The following SLC27A6 variants were observed in gnomAD, a reference collection of about 807,000 sequenced individuals.
SLC27A6 encodes the protein solute carrier family 27 member 6.
In SLC27A6, 74 loss-of-function variants were observed where a neutral mutation model predicts 63.9. That is an observed-to-expected ratio of 1.16 (90% CI 0.96 to 1.40). SLC27A6 has a LOEUF of 1.40. Ranked by LOEUF, SLC27A6 falls within the 40% of genes most tolerant of loss-of-function variation. The probability of loss-of-function intolerance (pLI) is 0.00; values close to 1 mark genes in which losing one functional copy is unlikely to be tolerated. For synonymous variants in SLC27A6, 287 were observed against 260.8 expected (o/e 1.10, Z -0.97); for missense variants, 794 against 732.9 (o/e 1.08, Z -0.96).
chr5:129,028,458 A>G lies in SLC27A6; in HGVS notation c.1552+16A>G. The G allele has an allele frequency of 3.4e-6, 5 of 1,457,280 alleles. No homozygotes were observed. Among genetic ancestry groups the G allele is most frequent in the Non-Finnish European group, 4.8e-6 (5 of 1,049,022 alleles). 90.3% of individuals were successfully genotyped at this position (1,457,280 alleles called of 1,614,324 possible). A position where few individuals can be genotyped will look rare whatever the true frequency, so the allele number is the denominator to read the frequency against. ...GCTATATCAGGTATAAATATATTTC[A>G]GATTTTGGAAAGATTCTTAGAATAG... is the stretch of plus-strand genomic sequence containing the variant. On this transcript the variant is annotated intron_variant, in intron 8 of 9. Coordinates refer to ENST00000262462, the MANE Select transcript of SLC27A6 (RefSeq NM_001017372.3).
chr5:129,016,030 A>G lies in SLC27A6; in HGVS notation c.1115A>G (p.Asn372Ser). 6.2e-7 allele frequency: 1 copy of G among 1,604,146 alleles called. No homozygotes were observed. Among genetic ancestry groups the G allele is most frequent in the Non-Finnish European group, 8.5e-7 (1 of 1,177,492 alleles). The change falls in exon 5 of 10, where the codon AAC becomes AGC. Residue 372 changes from asparagine (N) to serine (S), a missense_variant. Coordinates refer to ENST00000262462, the MANE Select transcript of SLC27A6 (RefSeq NM_001017372.3). ...AATESSISFMNYTGRIGAIGR... is the reference protein window; with the variant it reads ...AATESSISFMSYTGRIGAIGR... Reference sequence around the variant, plus strand: ...ACCGAATCAAGCATATCTTTCATGAACTACACTGGGAGAATTGGAGCAATT... The same window carrying G: ...ACCGAATCAAGCATATCTTTCATGAGCTACACTGGGAGAATTGGAGCAATT...
In SLC27A6 at chr5:129,033,341, G is replaced by T; in HGVS notation, c.*59G>T. The T allele has an allele frequency of 2.0e-6, 2 of 987,268 alleles. No homozygotes were observed. Among genetic ancestry groups the T allele is most frequent in the Non-Finnish European group, 1.5e-6 (1 of 683,844 alleles). 61.2% of individuals were successfully genotyped at this position (987,268 alleles called of 1,614,324 possible). A position where few individuals can be genotyped will look rare whatever the true frequency, so the allele number is the denominator to read the frequency against. ...TAGGAAGAGTGAGAGGGGGGTATAT[G>T]ATTCTTTATGAAATGGGGAAAGGGA... On this transcript the variant is annotated 3_prime_UTR_variant, in exon 10 of 10. Coordinates refer to ENST00000262462, the MANE Select transcript of SLC27A6 (RefSeq NM_001017372.3).
rs182809731 is a variant in SLC27A6, at chr5:128,997,381, A to T, written c.969+6917A>T. Among the ~76,000 whole-genome samples the T allele has an allele frequency of 3.2e-4, 49 of 152,304 alleles. 2 individuals carry two copies. The East Asian group carries it at 8.3e-3, about 26-fold the overall frequency. On this transcript the variant is annotated intron_variant, in intron 4 of 9. Coordinates refer to ENST00000262462, the MANE Select transcript of SLC27A6 (RefSeq NM_001017372.3). ...CCAGTTTTCCTTAAATAAGTCAAAG[A>T]TATGTTTACATTGTTATAATAGATA...
chr5:128,995,963 C>T (rs1751145903), intron 4 of SLC27A6, among the ~76,000 whole-genome samples: 2 of 152,200 alleles, frequency 1.3e-5, no homozygotes, highest in Admixed American at 1.3e-4. Context: ...TTGGTTCAAA[C>T]ATGTAGGCAA....
chr5:128,989,411 G>C (rs1405903265), intron 3 of SLC27A6, among the ~76,000 whole-genome samples: 2 of 152,058 alleles, frequency 1.3e-5, no homozygotes, highest in Non-Finnish European at 2.9e-5. Flanking sequence ...ACAAACAGTG[G>C]AGATCATTTG....
At chr5:129,023,595 ATTTG>A (rs1561632358) in intron 5 of SLC27A6, 21 bp from the exon 6 acceptor site, 4 of 1,516,378 alleles carry the variant, frequency 2.6e-6, no homozygotes, top group Non-Finnish European at 3.6e-6. Flanking sequence ...GCTTGTTTCT[ATTTG>A]TTTGATTTTT....
In SLC27A6 at chr5:128,966,446, A is replaced by G. The variant is rs1580692024; in HGVS notation, c.309A>G (p.Lys103=). 2 of 1,606,848 alleles carry G rather than the reference A, an allele frequency of 1.2e-6. No individual in the cohort carries two copies. Among genetic ancestry groups the G allele is most frequent in the Non-Finnish European group, 1.7e-6 (2 of 1,176,848 alleles). ...TCTTCCTGAACCATTCCTCTCTGAA[A>G]AAGGGGGACACGGTGGCTCTGCTGA... The part of the protein sequence containing the change: ...AHVFLNHSSL[K]KGDTVALLMS... The change falls in exon 1 of 10, where the codon AAA becomes AAG. Residue 103 remains lysine (K), a synonymous_variant. Transcript: ENST00000262462.
chr5:128,973,453 G>T (rs557466466), intron 1 of SLC27A6, among the ~76,000 whole-genome samples: 3 of 152,180 alleles, frequency 2.0e-5, no homozygotes, highest in African/African-American at 7.2e-5. Flanking sequence ...GCACTGCTTT[G>T]TTTACCTAGT....
chr5:129,023,764 T>A (rs2150153876), intron 6 of SLC27A6, 54 bp downstream of exon 6: 1 of 1,253,928 alleles, frequency 8.0e-7, no homozygotes, highest in Non-Finnish European at 1.2e-6. Context: ...ATCTCCTGTA[T>A]ACAGACATCC....
At chr5:128,971,003 A>C (rs62399676) in intron 1 of SLC27A6, among the ~76,000 whole-genome samples, 36,628 of 151,974 alleles carry the variant, frequency 0.24, 4,958 homozygotes, top group Middle Eastern at 0.33. Flanking sequence ...TTCTGCCTTC[A>C]TTTCGTTATT....
intron 5 of SLC27A6, among the ~76,000 whole-genome samples, chr5:129,017,540 G>A (rs1047733791): frequency 1.3e-5 from 2 of 151,890 alleles, no homozygotes; most frequent in Admixed American, 1.3e-4. Context: ...ATAATAAAGA[G>A]CAGAAATTAA....
chr5:128,993,294 A>G (rs1751040542), intron 4 of SLC27A6, among the ~76,000 whole-genome samples: 1 of 152,216 alleles, frequency 6.6e-6, no homozygotes, highest in Admixed American at 6.5e-5. Context: ...GAGTAAGAGT[A>G]AAAGCAGGCC....
In SLC27A6 at chr5:129,015,983, G is replaced by A. The variant is rs546548479; in HGVS notation, c.1068G>A (p.Lys356=). 2 of 1,610,714 alleles carry A rather than the reference G, an allele frequency of 1.2e-6. No individual in the cohort carries two copies. Among genetic ancestry groups the A allele is most frequent in the Admixed American group, 3.4e-5 (2 of 59,278 alleles). ...REFLDRFGNI[K]VCELYAATES... The stretch of plus-strand genomic sequence containing the variant: ...TTTTAGACAGATTTGGAAATATAAA[G>A]GTGTGTGAACTTTATGCAGCTACCG... Residue 356 remains lysine (K), a synonymous_variant, in exon 5 of 10, where the codon AAG becomes AAA. Transcript: ENST00000262462.
At chr5:129,014,327 A>G (rs1196455182) in intron 4 of SLC27A6, among the ~76,000 whole-genome samples, 1 of 152,208 alleles carries the variant, frequency 6.6e-6, no homozygotes, top group Admixed American at 6.5e-5. Flanking sequence ...TTTTATTGGG[A>G]AAATGAACAA....
At chr5:129,007,455 A>T (rs1000218825) in intron 4 of SLC27A6, among the ~76,000 whole-genome samples, 19 of 147,960 alleles carry the variant, frequency 1.3e-4, no homozygotes, top group African/African-American at 3.7e-4. Flanking sequence ...AAAAAAAAAA[A>T]AAAAAAAAAA....
chr5:128,970,574 C>A (rs10073130), intron 1 of SLC27A6, among the ~76,000 whole-genome samples: 110,587 of 151,796 alleles, frequency 0.73, 40,309 homozygotes, highest in East Asian at 0.88. Flanking sequence ...CTCTGATGGT[C>A]GTTTGCATTT....
intron 5 of SLC27A6, among the ~76,000 whole-genome samples, chr5:129,019,424 A>C (rs1367657142): frequency 6.6e-6 from 1 of 151,958 alleles, no homozygotes; most frequent in Non-Finnish European, 1.5e-5. Flanking sequence ...ACATAGGTGA[A>C]ATAAAGCTCG....
intron 4 of SLC27A6, among the ~76,000 whole-genome samples, chr5:129,002,542 C>T (rs1751379775): frequency 6.6e-6 from 1 of 151,156 alleles, no homozygotes; most frequent in African/African-American, 2.4e-5. Flanking sequence ...CCCTCCCTCA[C>T]TCCCTCCCTT....
At chr5:128,981,620 G>C (rs758194598) in intron 1 of SLC27A6, among the ~76,000 whole-genome samples, 5 of 152,182 alleles carry the variant, frequency 3.3e-5, no homozygotes, top group Admixed American at 6.5e-5. Context: ...TGAGCAGAAG[G>C]ATGGAGGAGA....
Sources: allele counts gnomAD v4.1 joint callset (sites outside exome capture counted in the v4.1 genomes callset), GRCh38; gene constraint gnomAD v4.1.1; transcripts MANE v1.5; gene names NCBI Gene and HGNC (gene_info 2026-07-23, HGNC 2026-07-21).